The following CLYBL variants were observed in gnomAD, a reference collection of about 807,000 sequenced individuals.
CLYBL encodes the protein citramalyl-CoA lyase, mitochondrial.
A neutral mutation model predicts 38.9 loss-of-function variants in CLYBL; 31 were observed. That is an observed-to-expected ratio of 0.80 (90% confidence interval 0.60 to 1.08). The LOEUF is 1.08. CLYBL is among the 50% of genes least tolerant of loss of function. CLYBL has a pLI of 0.00. For missense variants in CLYBL, 434 were observed against 411.6 expected (o/e 1.05, Z -0.47); for synonymous variants, 171 against 158.6 (o/e 1.08, Z -0.59).
chr13:99,834,987 G>T (rs1178290641), intron 2 of CLYBL, among the ~76,000 whole-genome samples: 2 of 151,986 alleles, frequency 1.3e-5, no homozygotes, highest in African/African-American at 4.8e-5. Context: ...CTCTATTGTT[G>T]GAACACACCT....
chr13:99,751,801 T>A (rs1197808200), intron 1 of CLYBL, among the ~76,000 whole-genome samples: 1 of 152,128 alleles, frequency 6.6e-6, no homozygotes, highest in Non-Finnish European at 1.5e-5. Flanking sequence ...TTGACAGTGG[T>A]TCAGATGGTA....
At chr13:99,853,091 T>TA (rs2051370376) in intron 2 of CLYBL, among the ~76,000 whole-genome samples, 1 of 150,218 alleles carries the variant, frequency 6.7e-6, no homozygotes, top group Admixed American at 6.7e-5. Context: ...GACAAATGTA[T>TA]AGGTTTGCAT....
At chr13:99,775,967 T>G (rs1215309292) in intron 2 of CLYBL, among the ~76,000 whole-genome samples, 1 of 151,524 alleles carries the variant, frequency 6.6e-6, no homozygotes, top group Non-Finnish European at 1.5e-5. Context: ...ATCAAGACCA[T>G]CCTGGCTAAC....
intron 9 of CLYBL, among the ~76,000 whole-genome samples, chr13:99,905,546 T>A (rs1034824099): frequency 7.2e-5 from 11 of 151,880 alleles, no homozygotes; most frequent in Non-Finnish European, 1.0e-4. Context: ...CTCCCCCACC[T>A]CCATTCTGTT....
chr13:99,714,069 C>G (rs1223806073), intron 1 of CLYBL, among the ~76,000 whole-genome samples: 3 of 151,932 alleles, frequency 2.0e-5, no homozygotes, highest in Non-Finnish European at 4.4e-5. Context: ...CTCATTGCAG[C>G]CTTGACCTCC....
chr13:99,891,213 T>C, intron 7 of CLYBL, 105 bp from the exon 8 acceptor site: 1 of 842,114 alleles, frequency 1.2e-6, no homozygotes, highest in Non-Finnish European at 2.0e-6. Context: ...AAAGTCAGTA[T>C]AATTCAGGTG....
intron 1 of CLYBL, among the ~76,000 whole-genome samples, chr13:99,615,695 A>G (rs1417151795): frequency 6.6e-6 from 1 of 152,230 alleles, no homozygotes; most frequent in Admixed American, 6.5e-5. Flanking sequence ...AATGTGTTAT[A>G]GCGTATCAAT....
intron 1 of CLYBL, among the ~76,000 whole-genome samples, chr13:99,666,303 G>C (rs918212821): frequency 6.6e-6 from 1 of 152,174 alleles, no homozygotes; most frequent in Admixed American, 6.5e-5. Flanking sequence ...TTAGATCTCA[G>C]TAAGGGGCCA....
At chr13:99,660,440 A>G (rs568112170) in intron 1 of CLYBL, among the ~76,000 whole-genome samples, 1 of 152,256 alleles carries the variant, frequency 6.6e-6, no homozygotes, top group Admixed American at 6.5e-5. Context: ...GCGTTTGCTC[A>G]TTGGTCCTTT....
At chr13:99,809,578 C>T (rs2050299525) in intron 2 of CLYBL, among the ~76,000 whole-genome samples, 1 of 152,258 alleles carries the variant, frequency 6.6e-6, no homozygotes, top group Non-Finnish European at 1.5e-5. Context: ...GCACCTTTCC[C>T]CTCATGGGGG....
intron 2 of CLYBL, among the ~76,000 whole-genome samples, chr13:99,857,183 C>T (rs929219414): frequency 5.3e-5 from 8 of 151,686 alleles, no homozygotes; most frequent in African/African-American, 1.9e-4. Context: ...GGTGTGGTGG[C>T]GGGTGCCTGT....
chr13:99,849,965 C>G lies in CLYBL; in HGVS notation c.250-8896C>G, dbSNP rs904546071. ...ATACAAAACAAAAATATCACGATCC[C>G]CCCAATCCACACCATATACAAATAT... On this transcript the variant is annotated intron_variant, in intron 2 of 8. Coordinates refer to ENST00000339105, the MANE Select transcript of CLYBL (RefSeq NM_206808.5). The surrounding 1 kb of genome is among the most constrained non-coding windows in gnomAD (Gnocchi z 4.9). Among the ~76,000 whole-genome samples, 1 of 152,080 alleles carries G rather than the reference C, an allele frequency of 6.6e-6. No individual in the cohort carries two copies. The highest frequency in any genetic ancestry group is 1.5e-5 in the Non-Finnish European group (1 of 68,016).
intron 1 of CLYBL, among the ~76,000 whole-genome samples, chr13:99,725,966 C>A (rs904735020): frequency 2.0e-5 from 3 of 152,112 alleles, no homozygotes; most frequent in Admixed American, 2.0e-4. Context: ...GATAAAATCC[C>A]TTTTTCTCCA....
chr13:99,751,955 T>C (rs7984112), intron 1 of CLYBL, among the ~76,000 whole-genome samples: 68,965 of 151,984 alleles, frequency 0.45, 16,906 homozygotes, highest in East Asian at 0.79. Context: ...TTTATTGCTG[T>C]TCAAATCAGG....
chr13:99,613,634 A>G (rs576650446), intron 1 of CLYBL, among the ~76,000 whole-genome samples: 4 of 152,296 alleles, frequency 2.6e-5, no homozygotes, highest in African/African-American at 9.6e-5. Flanking sequence ...GCAGAGAACA[A>G]TGGAAGCAGT....
intron 2 of CLYBL, among the ~76,000 whole-genome samples, chr13:99,784,995 G>A (rs1034614538): frequency 5.3e-5 from 8 of 151,420 alleles, no homozygotes; most frequent in Non-Finnish European, 1.2e-4. Flanking sequence ...TGGTTCAAGT[G>A]ATTCTCCTGT....
chr13:99,789,397 A>G (rs1423055699), intron 2 of CLYBL, among the ~76,000 whole-genome samples: 4 of 152,052 alleles, frequency 2.6e-5, no homozygotes, highest in South Asian at 2.1e-4. Context: ...GGTATGTTGT[A>G]TCTTTGTTCT....
chr13:99,771,856 A>G (rs1019342547), intron 1 of CLYBL, among the ~76,000 whole-genome samples: 2 of 152,232 alleles, frequency 1.3e-5, no homozygotes, highest in Admixed American at 1.3e-4. Context: ...GGCTCTGGCT[A>G]AGTGCTTCAT....
At chr13:99,841,737 A>C (rs114190392) in intron 2 of CLYBL, among the ~76,000 whole-genome samples, 2,061 of 151,674 alleles carry the variant, frequency 0.014, 50 homozygotes, top group African/African-American at 0.047. Context: ...CAACGTGGGA[A>C]CCTTCCTAAA....
Sources: allele counts gnomAD v4.1 joint callset (sites outside exome capture counted in the v4.1 genomes callset), GRCh38; gene constraint gnomAD v4.1.1; non-coding constraint Gnocchi (gnomAD v3.1); transcripts MANE v1.5; gene names NCBI Gene and HGNC (gene_info 2026-07-23, HGNC 2026-07-21).